The following HIP1R variants were observed in gnomAD, a reference collection of about 807,000 sequenced individuals.
The protein encoded by HIP1R is huntingtin interacting protein 1 related.
HIP1R carries 135 observed loss-of-function variants against 144.2 expected under a neutral mutation model. That is an observed-to-expected ratio of 0.94 (90% confidence interval 0.81 to 1.08). The LOEUF is 1.08. Ranked by LOEUF, HIP1R falls within the 50% of genes least tolerant of loss-of-function variation. HIP1R has a pLI of 0.00. For missense variants in HIP1R, 1,462 were observed against 1,432.8 expected, an observed-to-expected ratio of 1.02 and a Z score of -0.33; for synonymous variants, 698 against 612.8, an observed-to-expected ratio of 1.14 and a Z score of -2.05.
In HIP1R at chr12:122,835,618, A is replaced by G; in HGVS notation, c.68A>G (p.Glu23Gly). 2 of 1,256,344 alleles carry G rather than the reference A, an allele frequency of 1.6e-6. No individual in the cohort carries two copies. The highest frequency in any genetic ancestry group is 1.0e-6 in the Non-Finnish European group (1 of 992,950). 77.8% of individuals were successfully genotyped at this position (1,256,344 alleles called of 1,614,324 possible). ...AGGCCGGGCCACAGCCTGGAGGCCG[A>G]GCGCGAGCAGTTCGACAAGACCCAG... is the stretch of plus-strand genomic sequence containing the variant. ...SRRPGHSLEA[E>G]REQFDKTQAI... Residue 23 changes from glutamate to glycine, a missense_variant, in exon 1 of 32, where the codon GAG becomes GGG. By Grantham distance (98) the Glu-to-Gly change is moderately conservative (BLOSUM62 -2). Around this residue, in one of 2 missense-constraint regions of HIP1R, gnomAD observed 350 missense variants for 421.1 expected, o/e 0.83. Coordinates refer to ENST00000253083, the MANE Select transcript of HIP1R (RefSeq NM_003959.3).
chr12:122,835,148 G>A (rs572201084), upstream of HIP1R: 6 of 594,394 alleles, frequency 1.0e-5, no homozygotes, highest in Admixed American at 9.9e-5. Context: ...GGAGGAGCTG[G>A]GGGGGCGTTT....
rs1054144064 is a variant in HIP1R, at chr12:122,836,310, A to G, written c.93+667A>G. Among the ~76,000 whole-genome samples, 4 of 151,770 alleles carry G rather than the reference A, an allele frequency of 2.6e-5. No individual in the cohort carries two copies. The highest frequency in any genetic ancestry group is 6.6e-5 in the Admixed American group (1 of 15,244). On this transcript the variant is annotated intron_variant, in intron 1 of 31. Transcript: ENST00000253083. The surrounding 1 kb of genome is among the most constrained non-coding windows in gnomAD (Gnocchi z 4.1). ...GCTGCCCACGTATAAATAGGTGCAC[A>G]CCCCCTCATTAAATACCGGCGCCCG...
intron 12 of HIP1R, 36 bp downstream of exon 12, chr12:122,855,648 T>C: frequency 6.5e-7 from 1 of 1,546,968 alleles, no homozygotes; most frequent in East Asian, 2.4e-5. Flanking sequence ...CTGGGGGTGG[T>C]TGGAAACGGG....
intron 25 of HIP1R, 27 bp from the exon 26 acceptor site, chr12:122,860,121 C>G: frequency 1.9e-6 from 3 of 1,587,400 alleles, no homozygotes; most frequent in Non-Finnish European, 2.6e-6. Context: ...GGAGGGCCAC[C>G]AGTCATTGCT....
intron 5 of HIP1R, 49 bp downstream of exon 5, chr12:122,850,004 C>T: frequency 7.8e-7 from 1 of 1,289,162 alleles, no homozygotes; most frequent in South Asian, 1.2e-5. Flanking sequence ...TGGGCTTTTC[C>T]CACTGTGACG....
In HIP1R at chr12:122,857,151, T is replaced by C; in HGVS notation, c.1751T>C (p.Leu584Pro). ...CTGGTGCGCGAGACAGAGGCGGCGC[T>C]GAGCCGGGAGCAGCAGCGCAGCTCC... is the stretch of plus-strand genomic sequence containing the variant. ...QSLVRETEAA[L>P]SREQQRSSQE... Residue 584 changes from leucine to proline, a missense_variant, in exon 18 of 32, where the codon CTG becomes CCG. Leu to Pro is a moderately conservative substitution (Grantham distance 98). This residue lies in a region of HIP1R where 1,112 missense variants were observed against 1,011.7 expected (regional missense o/e 1.10). Transcript: ENST00000253083. 6.4e-7 allele frequency: 1 copy of C among 1,550,426 alleles called. No homozygotes were observed. The highest frequency in any genetic ancestry group is 1.2e-5 in the South Asian group (1 of 84,032).
chr12:122,851,976 T>C (rs2033413937), intron 7 of HIP1R, among the ~76,000 whole-genome samples: 1 of 152,120 alleles, frequency 6.6e-6, no homozygotes, highest in Admixed American at 6.5e-5. Context: ...CATTTTCTGC[T>C]CTAGAAAGCC....
In HIP1R at chr12:122,835,561, TC is replaced by T; in HGVS notation, c.12del (p.Lys5ArgfsTer8). On this transcript the variant is annotated frameshift_variant, in exon 1 of 32. Transcript: ENST00000253083. LOFTEE classifies it high-confidence loss of function. ...GGCGGCGGCGGCAGGATGAACAGCA[TC>T]AAGAACGTGCCGGCGCGGGTGCTGA... MNS[I>X]KNVPARVLSR... 1 of 1,339,186 alleles carries T rather than the reference TC, an allele frequency of 7.5e-7. No homozygotes were observed. 83.0% of individuals were successfully genotyped at this position (1,339,186 alleles called of 1,614,324 possible).
chr12:122,859,377 G>A (rs1295669087), intron 22 of HIP1R, 49 bp from the exon 23 acceptor site: 2 of 1,547,860 alleles, frequency 1.3e-6, no homozygotes, highest in Non-Finnish European at 1.8e-6. Flanking sequence ...GCTGCCCGTG[G>A]GACGGGGGGG....
Position 122,855,549 on chromosome 12 carries a change from AGGT to A in HIP1R, c.998_1000del (p.Val333del). On this transcript the variant is annotated splice_acceptor_variant and coding_sequence_variant, in exon 12 of 32. Coordinates refer to ENST00000253083, the MANE Select transcript of HIP1R (RefSeq NM_003959.3). LOFTEE classifies it high-confidence loss of function. The stretch of plus-strand genomic sequence containing the variant: ...TGGGGTCACCATGCTTTGCTGTGGC[AGGT>A]GGTGGCTGACCTCTTCGATCAGACG... The A allele has an allele frequency of 6.5e-7, 1 of 1,549,546 alleles. No individual in the cohort carries two copies.
intron 14 of HIP1R, 31 bp from the exon 15 acceptor site, chr12:122,856,225 G>A (rs778774565): frequency 8.7e-6 from 14 of 1,612,942 alleles, no homozygotes; most frequent in East Asian, 6.7e-5. Context: ...CACCCCACAC[G>A]GGGCATCACT....
intron 1 of HIP1R, among the ~76,000 whole-genome samples, chr12:122,846,351 G>T (rs76826575): frequency 0.025 from 3,755 of 152,304 alleles, 63 homozygotes; most frequent in Non-Finnish European, 0.033. Flanking sequence ...TTCCTCACCA[G>T]GAAAATGGGT....
At chr12:122,848,910 G>A in intron 4 of HIP1R, 58 bp downstream of exon 4, 1 of 1,565,516 alleles carries the variant, frequency 6.4e-7, no homozygotes, top group Admixed American at 1.7e-5. Context: ...AGCGTGTGGG[G>A]CTGAGCGAAG....
rs1566117063 is a variant in HIP1R, at chr12:122,861,713, A to G, written c.3167A>G (p.Lys1056Arg). 1 of 1,614,116 alleles carries G rather than the reference A, an allele frequency of 6.2e-7. No individual in the cohort carries two copies. Among genetic ancestry groups the G allele is most frequent in the Non-Finnish European group, 8.5e-7 (1 of 1,180,002 alleles). Residue 1056 changes from lysine to arginine, a missense_variant, in exon 32 of 32, where the codon AAA becomes AGA. This residue lies in a region of HIP1R where 1,112 missense variants were observed against 1,011.7 expected (regional missense o/e 1.10). Transcript: ENST00000253083. Reference sequence around the variant, plus strand: ...CACCTTTAACCCCTGCAGCTTGACAAAAAGGATGGCATCTACCCAGCTCAA... The same window carrying G: ...CACCTTTAACCCCTGCAGCTTGACAGAAAGGATGGCATCTACCCAGCTCAA... Reference protein sequence around the residue: ...VAPRQDHQLDKKDGIYPAQLV... With the variant: ...VAPRQDHQLDRKDGIYPAQLV...
chr12:122,835,321 C>A (rs1223291256), upstream of HIP1R: 4 of 738,890 alleles, frequency 5.4e-6, no homozygotes, highest in Non-Finnish European at 4.9e-6. Flanking sequence ...TGGAGGGGCG[C>A]GCCCTGGAGT....
rs1455968238 is a variant in HIP1R, at chr12:122,854,036, T to C, written c.578-7T>C. The C allele has an allele frequency of 6.2e-7, 1 of 1,613,006 alleles. No individual in the cohort carries two copies. Reference sequence around the variant, plus strand: ...CTCACGTTCTTCCTCCTGCCCCTTTTGCACAGTTTTCCGACAGCTCAACAC... The same window carrying C: ...CTCACGTTCTTCCTCCTGCCCCTTTCGCACAGTTTTCCGACAGCTCAACAC... On this transcript the variant is annotated splice_region_variant and splice_polypyrimidine_tract_variant and intron_variant, in intron 7 of 31. Coordinates refer to ENST00000253083, the MANE Select transcript of HIP1R (RefSeq NM_003959.3).
In HIP1R at chr12:122,848,044, G is replaced by A; in HGVS notation, c.107G>A (p.Ser36Asn). 6.2e-7 allele frequency: 1 copy of A among 1,613,680 alleles called. No homozygotes were observed. The highest frequency in any genetic ancestry group is 1.7e-4 in the Middle Eastern group (1 of 6,060). Residue 36 changes from serine to asparagine, a missense_variant, in exon 2 of 32, where the codon AGC becomes AAC. Physicochemically the swap from Ser to Asn is conservative, Grantham distance 46. Transcript: ENST00000253083. ...TGTCCCTCACAGGCCATCAGCATCA[G>A]CAAAGCCATCAACACCCAGGAGGCC... ...QFDKTQAISI[S>N]KAINTQEAPV...
At position 122,860,195 on chromosome 12, in the gene HIP1R, C is replaced by T. The variant is rs761352040; in HGVS notation, c.2544C>T (p.Ile848=). The T allele has an allele frequency of 9.6e-6, 15 of 1,563,902 alleles. No individual in the cohort carries two copies. The highest frequency in any genetic ancestry group is 2.4e-5 in the East Asian group (1 of 42,504). The change falls in exon 26 of 32, where the codon ATC becomes ATT. Residue 848 remains isoleucine (I), a synonymous_variant. Coordinates refer to ENST00000253083, the MANE Select transcript of HIP1R (RefSeq NM_003959.3). ...VTTSTSLQKE[I]VESGRGAATQ... is the part of the protein sequence containing the mutation. The stretch of plus-strand genomic sequence containing the variant: ...CATCCACTAGCCTGCAGAAGGAGAT[C>T]GTGGAGAGCGGCAGGGTGAGGGGCC...
Position 122,856,287 on chromosome 12 carries a change from C to G in HIP1R, c.1344C>G (p.Asn448Lys), listed in dbSNP as rs758152802. The G allele has an allele frequency of 3.1e-6, 5 of 1,613,882 alleles. No homozygotes were observed. Among genetic ancestry groups the G allele is most frequent in the South Asian group, 1.1e-5 (1 of 91,088 alleles). The part of the protein sequence containing the change: ...RKASATEARY[N>K]KLKEKHSELV... ...CCAGTGCCACGGAGGCGCGCTACAA[C>G]AAGCTGAAGGAAAAGCACAGTGAGC... is the stretch of plus-strand genomic sequence containing the variant. Residue 448 changes from asparagine to lysine, a missense_variant, in exon 15 of 32, where the codon AAC becomes AAG. This residue lies in a region of HIP1R where 1,112 missense variants were observed against 1,011.7 expected (regional missense o/e 1.10). Coordinates refer to ENST00000253083, the MANE Select transcript of HIP1R (RefSeq NM_003959.3).
Sources: gnomAD v4.1 joint callset for allele counts (sites outside exome capture counted in the v4.1 genomes callset) on GRCh38, gnomAD v4.1.1 for gene constraint, gnomAD v4.1.1 regional missense constraint, Gnocchi (gnomAD v3.1) non-coding constraint, MANE v1.5 for transcripts, NCBI Gene and HGNC (gene_info 2026-07-23, HGNC 2026-07-21) for gene names.